Variants in YES1 observed in about 807,000 individuals in gnomAD.
The protein encoded by YES1 is YES proto-oncogene 1, Src family tyrosine kinase, also known as tyrosine-protein kinase Yes.
In YES1, 39 loss-of-function variants were observed where a neutral mutation model predicts 70.4. The ratio of observed to expected loss-of-function variants is 0.55; its 90% confidence interval spans 0.43 to 0.72. The LOEUF is 0.72. YES1 is among the 30% of genes least tolerant of loss of function. The pLI, the probability that YES1 is intolerant of heterozygous loss-of-function variation, is 0.00. For missense variants in YES1, 495 were observed against 644.8 expected, an observed-to-expected ratio of 0.77 and a Z score of 2.52; for synonymous variants, 198 against 218.6, an observed-to-expected ratio of 0.91 and a Z score of 0.83.
chr18:762,676 C>CG (rs1568203106), intron 1 of YES1, among the ~76,000 whole-genome samples: 1 of 152,086 alleles, frequency 6.6e-6, no homozygotes, highest in African/African-American at 2.4e-5. Context: ...ACTCCGGTGA[C>CG]GGGTGCACCA....
At chr18:811,780 T>C (rs189565253) in intron 1 of YES1, among the ~76,000 whole-genome samples, 2 of 151,330 alleles carry the variant, frequency 1.3e-5, no homozygotes, top group African/African-American at 4.9e-5. Flanking sequence ...AAAATAAACC[T>C]CTCCTCCCCG....
intron 1 of YES1, among the ~76,000 whole-genome samples, chr18:777,903 G>A (rs1477757404): frequency 6.6e-6 from 1 of 151,710 alleles, no homozygotes; most frequent in Middle Eastern, 3.4e-3. Context: ...TTTGAAATAA[G>A]TTTATAATGT....
intron 1 of YES1, among the ~76,000 whole-genome samples, chr18:790,289 T>C (rs753621715): frequency 5.3e-5 from 8 of 152,132 alleles, no homozygotes; most frequent in African/African-American, 1.7e-4. Flanking sequence ...GGCAGGAGAA[T>C]TGCTTGAACC....
intron 1 of YES1, among the ~76,000 whole-genome samples, chr18:769,142 G>C (rs1479073262): frequency 1.3e-5 from 2 of 152,204 alleles, no homozygotes; most frequent in Non-Finnish European, 2.9e-5. Context: ...ATAATAGGCT[G>C]TACCATCTAG....
rs1447675529 is a variant in YES1 at position 726,379 on chromosome 18, C to T, written c.1424-1747G>A. 5.5e-5 allele frequency among the ~76,000 whole-genome samples: 8 copies of T among 145,820 alleles called. No homozygotes were observed. In the East Asian group the frequency reaches 6.4e-4, roughly 12 times the overall value. On this transcript the variant is annotated intron_variant, in intron 11 of 11. Coordinates refer to ENST00000314574, the MANE Select transcript of YES1 (RefSeq NM_005433.4). The stretch of plus-strand genomic sequence containing the variant: ...GGTGGAGGTTGCAGTGAGCTGAGAT[C>T]GCACCACTGCACTCCAGCCTGGGTG...
chr18:811,089 G>C (rs1015427794), intron 1 of YES1, among the ~76,000 whole-genome samples: 5 of 152,082 alleles, frequency 3.3e-5, no homozygotes, highest in African/African-American at 1.2e-4. Flanking sequence ...AAATTATCAA[G>C]GTATCTTTGG....
At position 756,533 on chromosome 18, in the gene YES1, C is replaced by T. The variant is rs139955149; in HGVS notation, c.271+24G>A. 1.1e-5 allele frequency: 17 copies of T among 1,613,194 alleles called. No individual in the cohort carries two copies. In the East Asian group the frequency reaches 3.6e-4, roughly 34 times the overall value. On this transcript the variant is annotated intron_variant, in intron 2 of 11. Coordinates refer to ENST00000314574, the MANE Select transcript of YES1 (RefSeq NM_005433.4). ...CAAGGTGATGTTCTCAAACAGACAA[C>T]ATAATTGTCCATTTAAATCTCACCT...
At position 746,042 on chromosome 18, in the gene YES1, A is replaced by G. The variant is rs755236105; in HGVS notation, c.480T>C (p.Phe160=). ...ADSIQAEEWY[F]GKMGRKDAER... The stretch of plus-strand genomic sequence containing the variant: ...CAGCATCTTTTCTCCCCATTTTGCC[A>G]AAATACCATCTGGAAAAAAATTAAG... Residue 160 remains phenylalanine (F), a synonymous_variant, in exon 5 of 12, where the codon TTT becomes TTC. Transcript: ENST00000314574. The G allele has an allele frequency of 1.9e-6, 3 of 1,610,748 alleles. No homozygotes were observed. The highest frequency in any genetic ancestry group is 2.5e-6 in the Non-Finnish European group (3 of 1,178,988).
intron 8 of YES1, among the ~76,000 whole-genome samples, chr18:742,658 TTTC>T (rs1368524586): frequency 6.6e-6 from 1 of 152,230 alleles, no homozygotes; most frequent in Non-Finnish European, 1.5e-5. Context: ...ATTTTTCACC[TTTC>T]TAGCTTTTCC....
intron 1 of YES1, among the ~76,000 whole-genome samples, chr18:795,672 G>A (rs567812319): frequency 3.7e-4 from 53 of 143,770 alleles, no homozygotes; most frequent in South Asian, 6.8e-4. Context: ...ACCAAACACC[G>A]TATGTTCTCA....
intron 11 of YES1, among the ~76,000 whole-genome samples, chr18:730,697 T>G (rs1033528747): frequency 6.6e-6 from 1 of 152,228 alleles, no homozygotes; most frequent in African/African-American, 2.4e-5. Context: ...TGGGCTTCCT[T>G]GATGCAATGT....
chr18:737,530 A>C (rs2080167668), intron 9 of YES1: 1 of 152,274 alleles, frequency 6.6e-6, no homozygotes, highest in African/African-American at 2.4e-5. Flanking sequence ...TGGTTAGGAG[A>C]AGAGGTAAAT....
intron 1 of YES1, among the ~76,000 whole-genome samples, chr18:757,674 T>C (rs1430379079): frequency 6.6e-6 from 1 of 151,328 alleles, no homozygotes; most frequent in Non-Finnish European, 1.5e-5. Flanking sequence ...ATACAAAAAT[T>C]AGCTGGGCGT....
At chr18:750,639 G>A (rs1304472165) in intron 3 of YES1, among the ~76,000 whole-genome samples, 1 of 152,192 alleles carries the variant, frequency 6.6e-6, no homozygotes, top group African/African-American at 2.4e-5. Flanking sequence ...AAAATGTGAT[G>A]ACAGCTATGA....
chr18:756,075 G>C (rs1385900345), intron 2 of YES1, among the ~76,000 whole-genome samples: 4 of 152,134 alleles, frequency 2.6e-5, no homozygotes. Context: ...ATTTTAAACT[G>C]TCTGAGCTTT....
chr18:794,681 G>A (rs1379669921), intron 1 of YES1, among the ~76,000 whole-genome samples: 3 of 152,166 alleles, frequency 2.0e-5, no homozygotes, highest in Non-Finnish European at 4.4e-5. Context: ...ATCCTTCCTT[G>A]CCTCCTCCTA....
chr18:758,838 T>C (rs908627808), intron 1 of YES1, among the ~76,000 whole-genome samples: 1 of 152,234 alleles, frequency 6.6e-6, no homozygotes, highest in Non-Finnish European at 1.5e-5. Context: ...CCGTATTATC[T>C]ATCATATAGG....
intron 10 of YES1, among the ~76,000 whole-genome samples, chr18:735,318 C>A (rs954039604): frequency 6.6e-6 from 1 of 151,918 alleles, no homozygotes; most frequent in Admixed American, 6.6e-5. Context: ...ACTACTCAGC[C>A]GTAAAAAGGA....
chr18:757,299 T>C (rs8096895), intron 1 of YES1, among the ~76,000 whole-genome samples: 44,368 of 151,356 alleles, frequency 0.29, 6,861 homozygotes, highest in African/African-American at 0.4. Context: ...GTCAGGAGAT[T>C]GAGACCATCC....
Sources: gnomAD v4.1 joint callset for allele counts (sites outside exome capture counted in the v4.1 genomes callset) on GRCh38, gnomAD v4.1.1 for gene constraint, MANE v1.5 for transcripts, NCBI Gene and HGNC (gene_info 2026-07-23, HGNC 2026-07-21) for gene names.